Variants in MYO16 observed in about 807,000 individuals in gnomAD.
The protein encoded by MYO16 is myosin XVI, also known as unconventional myosin-XVI.
A neutral mutation model predicts 205.3 loss-of-function variants in MYO16; 94 were observed. The observed-to-expected ratio is 0.46, with a 90% CI of 0.39 to 0.54. The LOEUF (loss-of-function observed/expected upper bound fraction) is 0.54, where lower values mean the gene tolerates loss of function less well. Among genes scored for constraint, MYO16 ranks in the 20% least tolerant of loss-of-function variants. The pLI, the probability that MYO16 is intolerant of heterozygous loss-of-function variation, is 0.00. For synonymous variants in MYO16, 988 were observed against 954.0 expected, an observed-to-expected ratio of 1.04 and a Z score of -0.66; for missense variants, 2,315 against 2,387.5, an observed-to-expected ratio of 0.97 and a Z score of 0.63.
At chr13:108,541,031 C>A in the MYO16 span, among the ~76,000 whole-genome samples, 2 of 152,022 alleles carry the variant, frequency 1.3e-5, no homozygotes, top group East Asian at 1.9e-4. Flanking sequence ...ACGGAATGAA[C>A]GTTGTTTTCA....
At chr13:108,591,327 T>A (rs1025036472), upstream of MYO16, among the ~76,000 whole-genome samples, 1 of 152,166 alleles carries the variant, frequency 6.6e-6, no homozygotes, top group Admixed American at 6.5e-5. Context: ...AGAAATGGAG[T>A]TAGTTGTTAA....
At chr13:108,592,278 G>GA (rs1878421018), upstream of MYO16, among the ~76,000 whole-genome samples, 1 of 129,362 alleles carries the variant, frequency 7.7e-6, no homozygotes, top group Non-Finnish European at 1.7e-5. Context: ...TGGGTGTGTG[G>GA]GGGGCTGTGT....
intron 12 of MYO16, among the ~76,000 whole-genome samples, chr13:108,869,534 C>CT (rs1878915667): frequency 6.7e-6 from 1 of 149,210 alleles, no homozygotes; most frequent in East Asian, 2.0e-4. Context: ...ACCATCCTGG[C>CT]TAACACGATG....
At chr13:108,565,138 T>G in the MYO16 span, among the ~76,000 whole-genome samples, 1 of 152,192 alleles carries the variant, frequency 6.6e-6, no homozygotes, top group African/African-American at 2.4e-5. Context: ...ATTCTCTATA[T>G]TTTGTAACTC....
At chr13:109,153,477 G>A (rs1414784926) in intron 32 of MYO16, among the ~76,000 whole-genome samples, 1 of 152,150 alleles carries the variant, frequency 6.6e-6, no homozygotes, top group Non-Finnish European at 1.5e-5. Flanking sequence ...CTTTAGAAAT[G>A]ATTAATCTGG....
intron 4 of MYO16, among the ~76,000 whole-genome samples, chr13:108,774,716 T>C (rs1886072720): frequency 1.3e-5 from 2 of 152,182 alleles, no homozygotes; most frequent in South Asian, 4.1e-4. Context: ...AAATTTCACA[T>C]CTAGTGATTA....
chr13:109,014,503 A>G (rs9514957), intron 22 of MYO16, among the ~76,000 whole-genome samples: 23,139 of 152,192 alleles, frequency 0.15, 2,165 homozygotes, highest in Non-Finnish European at 0.2. Flanking sequence ...TTCTGTGAAG[A>G]AAGTCATTGG....
At chr13:108,552,568 G>A in the MYO16 span, among the ~76,000 whole-genome samples, 1 of 152,044 alleles carries the variant, frequency 6.6e-6, no homozygotes, top group Non-Finnish European at 1.5e-5. Context: ...CTTTTTATGA[G>A]TGCATCCAAC....
chr13:108,946,789 T>A (rs554781882), intron 16 of MYO16, among the ~76,000 whole-genome samples: 1 of 152,216 alleles, frequency 6.6e-6, no homozygotes, highest in East Asian at 1.9e-4. Flanking sequence ...TCACCCAGGC[T>A]TGAGTGCAGT....
At chr13:109,018,452 A>T (rs1246976207) in intron 22 of MYO16, among the ~76,000 whole-genome samples, 3 of 152,176 alleles carry the variant, frequency 2.0e-5, no homozygotes, top group Admixed American at 1.3e-4. Context: ...TCAGGGACCC[A>T]CTTGAGGAGG....
intron 16 of MYO16, among the ~76,000 whole-genome samples, chr13:108,932,980 G>T (rs12427901): frequency 0.045 from 6,890 of 152,130 alleles, 294 homozygotes; most frequent in Admixed American, 0.13. Context: ...TACCCTTGGA[G>T]GATGTTGGCA....
chr13:108,971,349 T>TTATATA (rs60564701), intron 20 of MYO16, among the ~76,000 whole-genome samples: 1,833 of 144,170 alleles, frequency 0.013, 31 homozygotes, highest in African/African-American at 0.035. Flanking sequence ...TGTGTGTTGA[T>TTATATA]TATATATATA....
intron 33 of MYO16, among the ~76,000 whole-genome samples, chr13:109,172,876 G>T (rs480875): frequency 5.3e-5 from 8 of 152,232 alleles, no homozygotes; most frequent in Non-Finnish European, 1.2e-4. Context: ...TGAAACCATG[G>T]AGGCTGTAAT....
chr13:108,503,467 G>T, the MYO16 span, among the ~76,000 whole-genome samples: 3 of 151,824 alleles, frequency 2.0e-5, no homozygotes, highest in Non-Finnish European at 4.4e-5. Flanking sequence ...TAAATAAAAG[G>T]TCAGAATCTT....
At chr13:108,795,598 C>T (rs779348112) in intron 6 of MYO16, among the ~76,000 whole-genome samples, 7 of 152,222 alleles carry the variant, frequency 4.6e-5, no homozygotes, top group South Asian at 2.1e-4. Context: ...ACTATAACAA[C>T]GTAACTCTGT....
intron 9 of MYO16, among the ~76,000 whole-genome samples, chr13:108,838,735 A>G (rs1483173996): frequency 7.9e-6 from 1 of 126,172 alleles, no homozygotes; most frequent in Non-Finnish European, 1.6e-5. Context: ...CACACTATAT[A>G]TATACACTAT....
At position 108,598,835 on chromosome 13, in the gene MYO16, C is replaced by CTTTTTCTT. The variant is rs1275995376; in HGVS notation, c.-39+2610_-39+2617dup. Among the ~76,000 whole-genome samples the CTTTTTCTT allele has an allele frequency of 3.5e-5, 5 of 142,764 alleles. No homozygotes were observed. In the South Asian group the frequency reaches 1.1e-3, roughly 33 times the overall value. The allele number at this position is 142,764 out of a possible 152,430, so 93.7% of individuals were successfully genotyped here. On this transcript the variant is annotated intron_variant, in intron 1 of 24. Coordinates refer to the MYO16 transcript ENST00000251041. ...GTTTATTTCTCCTTGTGTAGGTATT[C>CTTTTTCTT]TTTTTCTTTTTTTCTTTTTTTTTTA...
chr13:108,858,471 C>T (rs747888450), intron 11 of MYO16, among the ~76,000 whole-genome samples: 1 of 152,136 alleles, frequency 6.6e-6, no homozygotes, highest in African/African-American at 2.4e-5. Flanking sequence ...ACTCTTGTCA[C>T]TTCTTGGGCC....
At position 108,712,864 on chromosome 13, in the gene MYO16, C is replaced by A. The variant is rs547666472; in HGVS notation, c.363+133C>A. ...AGATGATGTGTTTCTAATTAACAGG[C>A]TTGGATGATAAGCTGCAATTATTAT... On this transcript the variant is annotated intron_variant, in intron 3 of 34. Transcript: ENST00000457511. 1.9e-5 allele frequency: 12 copies of A among 644,054 alleles called. No individual in the cohort carries two copies. In the Admixed American group the frequency reaches 3.1e-4, roughly 17 times the overall value. The allele number at this position is 644,054 out of a possible 1,614,324, so 39.9% of individuals were successfully genotyped here.
Sources: allele counts gnomAD v4.1 joint callset (sites outside exome capture counted in the v4.1 genomes callset), GRCh38; gene constraint gnomAD v4.1.1; transcripts MANE v1.5; gene names NCBI Gene and HGNC (gene_info 2026-07-23, HGNC 2026-07-21).